Variants in KANK4 observed in about 807,000 individuals in gnomAD.
The protein encoded by KANK4 is KN motif and ankyrin repeat domain-containing protein 4.
Under a neutral mutation model 80.8 loss-of-function variants are expected in KANK4, and 50 were observed. That is an observed-to-expected ratio of 0.62 (90% CI 0.49 to 0.78). The LOEUF is 0.78. Among genes scored for constraint, KANK4 ranks in the 30% least tolerant of loss-of-function variants. KANK4 has a pLI of 0.00. For missense variants in KANK4, 1,196 were observed against 1,240.1 expected, an observed-to-expected ratio of 0.96 and a Z score of 0.53; for synonymous variants, 465 against 506.9, an observed-to-expected ratio of 0.92 and a Z score of 1.11.
At chr1:62,253,409 C>CTTTTTTTTTTTTTTTTTTTTTTTTTTTTT (rs34488630) in intron 7 of KANK4, among the ~76,000 whole-genome samples, 200 bp from the exon 8 acceptor site, 3 of 110,978 alleles carry the variant, frequency 2.7e-5, no homozygotes, top group Non-Finnish European at 3.5e-5. Flanking sequence ...TTCTTTCTTT[C>CTTTTTTTTTTTTTTTTTTTTTTTTTTTTT]TTTTTTTTTT....
chr1:62,312,447 T>C (rs1414285830), intron 1 of KANK4, among the ~76,000 whole-genome samples: 2 of 152,224 alleles, frequency 1.3e-5, no homozygotes, highest in Non-Finnish European at 2.9e-5. Context: ...CGGGAACCCC[T>C]TGGGGCTCTT....
intron 6 of KANK4, among the ~76,000 whole-genome samples, chr1:62,265,122 C>T (rs1019969794): frequency 1.3e-5 from 2 of 151,030 alleles, no homozygotes; most frequent in South Asian, 4.2e-4. Flanking sequence ...TGAGCCACTG[C>T]GACCGGTCGA....
chr1:62,271,957 T>C, intron 3 of KANK4: 1 of 198,720 alleles, frequency 5.0e-6, no homozygotes, highest in Non-Finnish European at 1.1e-5. Context: ...CCACTTCTGC[T>C]CAAGGGCACC....
intron 7 of KANK4, among the ~76,000 whole-genome samples, chr1:62,253,414 T>TTC (rs1671674718): frequency 1.4e-5 from 2 of 142,540 alleles, no homozygotes; most frequent in Non-Finnish European, 3.1e-5. Flanking sequence ...TCTTTCTTTT[T>TTC]TTTTTTTTTT....
chr1:62,284,463 C>T (rs775736002), intron 1 of KANK4, among the ~76,000 whole-genome samples: 14 of 152,092 alleles, frequency 9.2e-5, no homozygotes, highest in Non-Finnish European at 1.8e-4. Context: ...ATTACGGTCG[C>T]GCGCGCTACC....
rs528144191 is a variant in KANK4, at chr1:62,318,385, C to A, written c.-71+721G>T. ...CGACTTTCCAACTCCCATTTCTGGC[C>A]AGTCTGCGGGGTCAAAGTACCCAGT... On this transcript the variant is annotated intron_variant, in intron 1 of 9. Transcript: ENST00000371153. Among the ~76,000 whole-genome samples, 28 of 152,372 alleles carry A rather than the reference C, an allele frequency of 1.8e-4. 1 individual carries two copies. The highest frequency in any genetic ancestry group is 1.5e-3 in the Admixed American group (23 of 15,308).
chr1:62,266,700 A>G, intron 6 of KANK4, 32 bp downstream of exon 6: 1 of 1,440,078 alleles, frequency 6.9e-7, no homozygotes, highest in South Asian at 1.2e-5. Context: ...ACAGAAGGGA[A>G]ATCTTTACAT....
intron 3 of KANK4, 45 bp from the exon 4 acceptor site, chr1:62,271,634 A>T (rs750530837): frequency 2.1e-6 from 3 of 1,417,572 alleles, no homozygotes; most frequent in Non-Finnish European, 3.0e-6. Flanking sequence ...TTGGGGATGC[A>T]TGGGAATGTA....
chr1:62,251,034 T>G (rs548881359), intron 8 of KANK4, among the ~76,000 whole-genome samples: 7 of 152,352 alleles, frequency 4.6e-5, no homozygotes, highest in African/African-American at 1.7e-4. Flanking sequence ...TCTGCCCTTT[T>G]GCTCTAGACT....
intron 2 of KANK4, among the ~76,000 whole-genome samples, chr1:62,275,343 C>T (rs116490929): frequency 0.018 from 2,718 of 152,252 alleles, 40 homozygotes; most frequent in Non-Finnish European, 0.024. Context: ...TGCAGTATGT[C>T]ATCTGGGTTT....
At position 62,268,295 on chromosome 1, in the gene KANK4, C is replaced by T. The variant is rs1169134831; in HGVS notation, c.2223G>A (p.Lys741=). ...TGTGTCCATTTGCTCACCTCTCGGC[C>T]TTGGAGTGGGGGACTTCTTCCCCAG... ...SGPGEEVPHS[K]AERYKPSEEF... The change falls in exon 5 of 10, where the codon AAG becomes AAA. Residue 741 remains lysine, a synonymous_variant. Transcript: ENST00000371153. 1 of 1,613,660 alleles carries T rather than the reference C, an allele frequency of 6.2e-7. No individual in the cohort carries two copies. Among genetic ancestry groups the T allele is most frequent in the South Asian group, 1.1e-5 (1 of 91,002 alleles).
chr1:62,252,952 C>T, intron 8 of KANK4, 115 bp downstream of exon 8: 2 of 1,289,328 alleles, frequency 1.6e-6, no homozygotes, highest in Non-Finnish European at 1.1e-6. Context: ...GAGGTCCCAG[C>T]CTCCTTGGGT....
Position 62,274,241 on chromosome 1 carries a change from G to A in KANK4, c.863C>T (p.Pro288Leu), listed in dbSNP as rs1221449013. Residue 288 changes from proline (P) to leucine (L), a missense_variant, in exon 3 of 10, where the codon CCT becomes CTT. Around this residue, in one of 3 missense-constraint regions of KANK4, gnomAD observed 1,154 missense variants for 1,179.6 expected, o/e 0.98. Transcript: ENST00000371153. ...TPGSPTPSPP[P>L]LPSPIPENEL... ...ATTCTCAGGGATGGGTGATGGCAGA[G>A]GTGGCGGGCTTGGCGTAGGGGAGCC... The A allele has an allele frequency of 6.2e-7, 1 of 1,614,014 alleles. No individual in the cohort carries two copies. Among genetic ancestry groups the A allele is most frequent in the Non-Finnish European group, 8.5e-7 (1 of 1,180,004 alleles).
chr1:62,274,119 C>G lies in KANK4; in HGVS notation c.985G>C (p.Glu329Gln). 6.2e-7 allele frequency: 1 copy of G among 1,614,202 alleles called. No homozygotes were observed. The highest frequency in any genetic ancestry group is 8.5e-7 in the Non-Finnish European group (1 of 1,180,046). The change falls in exon 3 of 10, where the codon GAG (glutamate) becomes CAG (glutamine). Residue 329 changes from glutamate (E) to glutamine (Q), a missense_variant. Physicochemically the swap from Glu to Gln is conservative, Grantham distance 29. This residue lies in a region of KANK4 where 1,154 missense variants were observed against 1,179.6 expected (regional missense o/e 0.98). Transcript: ENST00000371153. ...ACCCTGGCAAGGCCCAGGCTTTCCT[C>G]AGTTACCCTGATGCCAATGCTTCTC... is the stretch of plus-strand genomic sequence containing the variant. Reference protein sequence around the residue: ...DMRSIGIRVTEESLGLARVDP... With the variant: ...DMRSIGIRVTQESLGLARVDP...
chr1:62,275,391 T>G (rs189404626), intron 2 of KANK4, among the ~76,000 whole-genome samples: 44 of 152,312 alleles, frequency 2.9e-4, no homozygotes, highest in African/African-American at 1.0e-3. Flanking sequence ...CAAAACCAAA[T>G]GGTCTTGTAC....
intron 1 of KANK4, among the ~76,000 whole-genome samples, chr1:62,310,119 A>G (rs1269614609): frequency 6.6e-6 from 1 of 152,216 alleles, no homozygotes; most frequent in African/African-American, 2.4e-5. Flanking sequence ...TGTCCAAAAT[A>G]TCAGTCACTT....
intron 1 of KANK4, among the ~76,000 whole-genome samples, chr1:62,316,271 C>A (rs1038482839): frequency 6.6e-6 from 1 of 152,196 alleles, no homozygotes; most frequent in Non-Finnish European, 1.5e-5. Context: ...GGTGAACAGG[C>A]CAGGGAGAGG....
chr1:62,249,832 C>T (rs527530260), intron 8 of KANK4, among the ~76,000 whole-genome samples: 2 of 151,830 alleles, frequency 1.3e-5, no homozygotes, highest in East Asian at 1.9e-4. Flanking sequence ...CATGAGCCAC[C>T]GCACCCAGCA....
At chr1:62,258,503 C>T (rs1350694537) in intron 7 of KANK4, among the ~76,000 whole-genome samples, 2 of 152,194 alleles carry the variant, frequency 1.3e-5, no homozygotes, top group African/African-American at 2.4e-5. Flanking sequence ...CAACTTCAGG[C>T]TGTCATTATG....
Sources: gnomAD v4.1 joint callset for allele counts (sites outside exome capture counted in the v4.1 genomes callset) on GRCh38, gnomAD v4.1.1 for gene constraint, gnomAD v4.1.1 regional missense constraint, MANE v1.5 for transcripts, NCBI Gene and HGNC (gene_info 2026-07-23, HGNC 2026-07-21) for gene names.